Variants in NFIB observed in about 807,000 individuals in gnomAD.
NFIB encodes nuclear factor I B.
A neutral mutation model predicts 61.5 loss-of-function variants in NFIB; 11 were observed. The ratio of observed to expected loss-of-function variants is 0.18; its 90% CI spans 0.11 to 0.30. The LOEUF (loss-of-function observed/expected upper bound fraction) is 0.30, where lower values mean the gene tolerates loss of function less well. Among genes scored for constraint, NFIB ranks in the 10% least tolerant of loss-of-function variants. The pLI is 1.00. For synonymous variants in NFIB, 260 were observed against 216.5 expected, an observed-to-expected ratio of 1.20 and a Z score of -1.76; for missense variants, 471 against 608.9, an observed-to-expected ratio of 0.77 and a Z score of 2.38.
In NFIB at chr9:14,355,874, A is replaced by G. The variant is rs1017495676; in HGVS notation, c.108+42650T>C. Among the ~76,000 whole-genome samples, 115 of 152,052 alleles carry G rather than the reference A, an allele frequency of 7.6e-4. 1 individual carries two copies. The highest frequency in any genetic ancestry group is 1.9e-4 in the East Asian group (1 of 5,160). On this transcript the variant is annotated intron_variant, in intron 1 of 8. Transcript: ENST00000380934. ...CCGGAGGCTGAGGCAGGAGAATGGC[A>G]TGAACCCGGGAGGCGGAGCTTGCAG...
chr9:14,400,748 G>A (rs185515779), upstream of NFIB, among the ~76,000 whole-genome samples: 6 of 152,244 alleles, frequency 3.9e-5, no homozygotes, highest in East Asian at 1.9e-4. Flanking sequence ...CTTCCTCCTC[G>A]TTCATTATTG....
At chr9:14,390,781 C>G (rs1188004735) in intron 1 of NFIB, among the ~76,000 whole-genome samples, 1 of 152,162 alleles carries the variant, frequency 6.6e-6, no homozygotes, top group Non-Finnish European at 1.5e-5. Context: ...AGAAGTGGGC[C>G]CCCACCACAC....
At position 14,224,530 on chromosome 9, in the gene NFIB, C is replaced by T. The variant is rs558560589; in HGVS notation, c.563-44750G>A. 1.6e-3 allele frequency among the ~76,000 whole-genome samples: 251 copies of T among 152,256 alleles called. 3 individuals carry two copies. Among genetic ancestry groups the T allele is most frequent in the African/African-American group, 5.8e-3 (239 of 41,544 alleles). On this transcript the variant is annotated intron_variant, in intron 2 of 10. Coordinates refer to ENST00000380953, the MANE Select transcript of NFIB (RefSeq NM_001190737.2). ...CAAAAATATTCAGAAAACAAAAATT[C>T]CACAAACTTACAAAAAGTAAAACTC... is the stretch of plus-strand genomic sequence containing the variant.
intron 2 of NFIB, among the ~76,000 whole-genome samples, chr9:14,193,889 G>C (rs764219970): frequency 6.6e-5 from 10 of 152,132 alleles, no homozygotes; most frequent in Non-Finnish European, 1.3e-4. Context: ...GATGACACTG[G>C]TGATGGATGT....
intron 2 of NFIB, among the ~76,000 whole-genome samples, chr9:14,210,571 C>T (rs2050203903): frequency 6.6e-6 from 1 of 152,028 alleles, no homozygotes; most frequent in Non-Finnish European, 1.5e-5. Flanking sequence ...CACACACCCA[C>T]ACCCCTCCAT....
At chr9:14,347,036 G>A (rs2061032625) in intron 1 of NFIB, among the ~76,000 whole-genome samples, 1 of 151,892 alleles carries the variant, frequency 6.6e-6, no homozygotes, top group South Asian at 2.1e-4. Context: ...CGGCCAGGGA[G>A]CCCCTGGCCC....
At chr9:14,308,307 C>G (rs2060122330) in intron 1 of NFIB, among the ~76,000 whole-genome samples, 1 of 150,116 alleles carries the variant, frequency 6.7e-6, no homozygotes, top group African/African-American at 2.5e-5. Flanking sequence ...TCTCCCCACA[C>G]TACCAACGCC....
Position 14,146,802 on chromosome 9 carries a change from C to A in NFIB, c.812G>T (p.Arg271Ile), listed in dbSNP as rs745888670. ...TTCATCTATGGATATAGTTTTGGGT[C>A]TTTTGCTGTTAAAATATGGCAATAG... is the stretch of plus-strand genomic sequence containing the variant. ...RSLSSPPSSKRPKTISIDENM... is the reference protein window; with the variant it reads ...RSLSSPPSSKIPKTISIDENM... The change falls in exon 6 of 11, where the codon AGA (arginine) becomes ATA (isoleucine). Residue 271 changes from arginine (R) to isoleucine (I), a missense_variant. Around this residue, in one of 2 missense-constraint regions of NFIB, gnomAD observed 372 missense variants for 395.6 expected, o/e 0.94. Transcript: ENST00000380953. The A allele has an allele frequency of 6.2e-7, 1 of 1,603,704 alleles. No homozygotes were observed. The highest frequency in any genetic ancestry group is 8.5e-7 in the Non-Finnish European group (1 of 1,177,456).
chr9:14,303,232 T>A (rs2059844466), intron 2 of NFIB, among the ~76,000 whole-genome samples: 1 of 152,220 alleles, frequency 6.6e-6, no homozygotes, highest in African/African-American at 2.4e-5. Flanking sequence ...AGCAGTGATG[T>A]GACTGAGAGC....
chr9:14,431,239 C>G, the NFIB span, among the ~76,000 whole-genome samples: 1 of 152,196 alleles, frequency 6.6e-6, no homozygotes, highest in Non-Finnish European at 1.5e-5. Flanking sequence ...TATTATGACA[C>G]TCAGTCACAA....
intron 4 of NFIB, among the ~76,000 whole-genome samples, chr9:14,154,678 A>T (rs775651425): frequency 2.4e-4 from 37 of 152,128 alleles, no homozygotes; most frequent in Non-Finnish European, 3.5e-4. Flanking sequence ...TTGGGCATAC[A>T]TTTATCCACT....
chr9:14,512,638 A>T, the NFIB span, among the ~76,000 whole-genome samples: 4 of 152,156 alleles, frequency 2.6e-5, no homozygotes, highest in Non-Finnish European at 5.9e-5. Context: ...CTTTTAATGT[A>T]GTGCTGAGTT....
intron 2 of NFIB, among the ~76,000 whole-genome samples, chr9:14,188,137 G>C (rs1420883849): frequency 2.0e-5 from 3 of 152,204 alleles, no homozygotes; most frequent in African/African-American, 7.2e-5. Context: ...TCATTGTCAA[G>C]ATTGCTGACT....
chr9:14,167,408 C>T (rs1220287049), intron 3 of NFIB, among the ~76,000 whole-genome samples: 2 of 152,052 alleles, frequency 1.3e-5, no homozygotes, highest in Non-Finnish European at 2.9e-5. Context: ...TGGTACGCGC[C>T]TCTAGTGCCA....
At chr9:14,251,426 A>T (rs1341086583) in intron 2 of NFIB, among the ~76,000 whole-genome samples, 1 of 152,222 alleles carries the variant, frequency 6.6e-6, no homozygotes, top group East Asian at 1.9e-4. Flanking sequence ...TCAACTGATT[A>T]CTAGTGAACT....
At chr9:14,241,247 G>C (rs1272749822) in intron 2 of NFIB, among the ~76,000 whole-genome samples, 1 of 152,110 alleles carries the variant, frequency 6.6e-6, no homozygotes, top group East Asian at 1.9e-4. Context: ...CCATTACCAA[G>C]GCTAAGTAAA....
the NFIB span, among the ~76,000 whole-genome samples, chr9:14,501,014 G>C: frequency 1.3e-5 from 2 of 152,308 alleles, no homozygotes; most frequent in East Asian, 3.9e-4. Context: ...GTGGGATTGA[G>C]TTTATTTCCA....
intron 1 of NFIB, among the ~76,000 whole-genome samples, chr9:14,348,018 C>A (rs1464680195): frequency 1.3e-5 from 2 of 152,126 alleles, no homozygotes; most frequent in Admixed American, 1.3e-4. Context: ...CGACAGAGCA[C>A]CCAGGACTAG....
intron 2 of NFIB, among the ~76,000 whole-genome samples, chr9:14,220,990 A>G (rs904713689): frequency 6.6e-6 from 1 of 151,958 alleles, no homozygotes; most frequent in African/African-American, 2.4e-5. Context: ...CCCTCACCCG[A>G]AAAGTCTGAA....
Sources: gnomAD v4.1 joint callset for allele counts (sites outside exome capture counted in the v4.1 genomes callset) on GRCh38, gnomAD v4.1.1 for gene constraint, gnomAD v4.1.1 regional missense constraint, MANE v1.5 for transcripts, NCBI Gene and HGNC (gene_info 2026-07-23, HGNC 2026-07-21) for gene names.